Variants in NTN4 observed in about 807,000 individuals in gnomAD.
NTN4 encodes netrin-4.
Under a neutral mutation model 73.6 loss-of-function variants are expected in NTN4, and 32 were observed. That is an observed-to-expected ratio of 0.44 (90% CI 0.33 to 0.58). The LOEUF (loss-of-function observed/expected upper bound fraction) is 0.58. Among genes scored for constraint, NTN4 ranks in the 20% least tolerant of loss-of-function variants. The probability of loss-of-function intolerance (pLI) is 0.04; values close to 1 mark genes in which losing one functional copy is unlikely to be tolerated. For synonymous variants in NTN4, 258 were observed against 287.5 expected (o/e 0.90, Z 1.04); for missense variants, 654 against 798.3 (o/e 0.82, Z 2.18).
intron 5 of NTN4, among the ~76,000 whole-genome samples, chr12:95,691,111 C>T (rs1218281191): frequency 6.6e-6 from 1 of 152,252 alleles, no homozygotes; most frequent in Admixed American, 6.5e-5. Flanking sequence ...TCAAGACTCA[C>T]ACCGAGGTCT....
At chr12:95,745,471 T>C (rs1160348045) in intron 2 of NTN4, among the ~76,000 whole-genome samples, 1 of 152,236 alleles carries the variant, frequency 6.6e-6, no homozygotes, top group Non-Finnish European at 1.5e-5. Context: ...ATCTCAGGCA[T>C]CAGAATCTTC....
At chr12:95,755,829 CA>C (rs1409310723) in intron 2 of NTN4, among the ~76,000 whole-genome samples, 2 of 152,162 alleles carry the variant, frequency 1.3e-5, no homozygotes, top group Non-Finnish European at 2.9e-5. Context: ...AGGGAAATGA[CA>C]GAACTGTAAC....
At chr12:95,674,993 T>G (rs1565879924) in intron 7 of NTN4, among the ~76,000 whole-genome samples, 2 of 152,244 alleles carry the variant, frequency 1.3e-5, no homozygotes, top group Non-Finnish European at 2.9e-5. Flanking sequence ...ATTACAGATT[T>G]GGTTTAGCAA....
chr12:95,695,228 A>T (rs1330949799), intron 5 of NTN4, among the ~76,000 whole-genome samples: 3 of 152,136 alleles, frequency 2.0e-5, no homozygotes, highest in Non-Finnish European at 2.9e-5. Flanking sequence ...GTTTTTGTAC[A>T]TCCTACCCAA....
intron 2 of NTN4, among the ~76,000 whole-genome samples, chr12:95,749,330 T>A (rs2078886517): frequency 6.6e-6 from 1 of 152,204 alleles, no homozygotes; most frequent in South Asian, 2.1e-4. Context: ...GGGAGATCAA[T>A]CCGCTGTACT....
intron 3 of NTN4, among the ~76,000 whole-genome samples, chr12:95,714,594 T>A (rs527773245): frequency 1.2e-4 from 18 of 151,908 alleles, no homozygotes; most frequent in African/African-American, 4.3e-4. Flanking sequence ...TAGAAGAAAA[T>A]AACAGATAAA....
chr12:95,696,584 A>T (rs1349007228), intron 5 of NTN4, among the ~76,000 whole-genome samples: 9 of 152,136 alleles, frequency 5.9e-5, no homozygotes, highest in Non-Finnish European at 1.0e-4. Context: ...CACCTTTGTT[A>T]CATTAATAAA....
intron 5 of NTN4, among the ~76,000 whole-genome samples, chr12:95,709,420 T>G (rs772633175): frequency 6.6e-6 from 1 of 152,262 alleles, no homozygotes; most frequent in Non-Finnish European, 1.5e-5. Flanking sequence ...ACCCTTTACA[T>G]TCACATAATT....
rs2078242533 is a variant in NTN4, at chr12:95,672,685, C to A, written c.1511-2539G>T. The A allele has an allele frequency of 4.1e-6, 6 of 1,451,296 alleles. No homozygotes were observed. In the South Asian group the frequency reaches 5.7e-5, roughly 14 times the overall value. 89.9% of individuals were successfully genotyped at this position (1,451,296 alleles called of 1,614,324 possible). On this transcript the variant is annotated intron_variant, in intron 7 of 9. Transcript: ENST00000343702. ...ATGATGTCCCACCACCCTGCTGGAG[C>A]CTGACCATCCTTTCTACAGCAACAT...
chr12:95,660,350 G>A (rs567854709), intron 9 of NTN4, among the ~76,000 whole-genome samples: 33 of 152,090 alleles, frequency 2.2e-4, no homozygotes, highest in African/African-American at 6.5e-4. Flanking sequence ...ACAAGCATTT[G>A]GGAAAACATA....
At chr12:95,672,969 G>C (rs1315178325) in intron 7 of NTN4, 19 of 1,143,166 alleles carry the variant, frequency 1.7e-5, no homozygotes, top group Non-Finnish European at 2.5e-5. Context: ...AATTGGACAA[G>C]AGCTCGAAGC....
intron 7 of NTN4, among the ~76,000 whole-genome samples, chr12:95,679,353 G>C (rs1592659806): frequency 6.6e-6 from 1 of 152,104 alleles, no homozygotes; most frequent in East Asian, 1.9e-4. Context: ...TTCATGTATA[G>C]AAACTTGATA....
chr12:95,720,510 CA>C (rs2078639720), intron 3 of NTN4, among the ~76,000 whole-genome samples: 1 of 152,080 alleles, frequency 6.6e-6, no homozygotes, highest in Admixed American at 6.6e-5. Flanking sequence ...AACTGACATA[CA>C]ATGGGTTTCC....
chr12:95,787,567 C>G, intron 1 of NTN4, 99 bp from the exon 2 acceptor site: 1 of 1,179,768 alleles, frequency 8.5e-7, no homozygotes, highest in Non-Finnish European at 1.2e-6. Flanking sequence ...TCCCCAAAAG[C>G]GCTTGAGACT....
chr12:95,691,860 C>T (rs1165526115), intron 5 of NTN4, among the ~76,000 whole-genome samples: 2 of 152,040 alleles, frequency 1.3e-5, no homozygotes, highest in Admixed American at 6.6e-5. Context: ...AGCTGTATGG[C>T]CTGTCTAGGT....
intron 7 of NTN4, chr12:95,673,011 A>T: frequency 7.4e-7 from 1 of 1,359,782 alleles, no homozygotes; most frequent in Non-Finnish European, 1.0e-6. Flanking sequence ...TGGGGGATGA[A>T]GGGACCCTGT....
Position 95,790,083 on chromosome 12 carries a change from GTA to G in NTN4, c.55+170_55+171del. 1 of 520,024 alleles carries G rather than the reference GTA, an allele frequency of 1.9e-6. No individual in the cohort carries two copies. The highest frequency in any genetic ancestry group is 3.4e-6 in the Non-Finnish European group (1 of 292,488). The allele number at this position is 520,024 out of a possible 1,614,324, so 32.2% of individuals were successfully genotyped here. A position where few individuals can be genotyped will look rare whatever the true frequency, so the allele number is the denominator to read the frequency against. ...TCCCAGTTGTAAAAATAAATCAATA[GTA>G]TTTGAAACTGCGGAGCCCCGGGGAA... On this transcript the variant is annotated intron_variant, in intron 1 of 9. Coordinates refer to ENST00000343702, the MANE Select transcript of NTN4 (RefSeq NM_021229.4). The surrounding 1 kb of genome is among the most constrained non-coding windows in gnomAD (Gnocchi z 6.5).
chr12:95,717,795 C>T (rs903538413), intron 3 of NTN4, among the ~76,000 whole-genome samples: 1 of 151,948 alleles, frequency 6.6e-6, no homozygotes, highest in African/African-American at 2.4e-5. Context: ...TGAAGAAAAG[C>T]GGTGTCTAGT....
intron 2 of NTN4, among the ~76,000 whole-genome samples, chr12:95,785,181 G>T (rs939531531): frequency 1.3e-5 from 2 of 152,120 alleles, no homozygotes; most frequent in African/African-American, 4.8e-5. Flanking sequence ...TGTGATATTT[G>T]CTAAATGAGC....
Sources: gnomAD v4.1 joint callset for allele counts (sites outside exome capture counted in the v4.1 genomes callset) on GRCh38, gnomAD v4.1.1 for gene constraint, Gnocchi (gnomAD v3.1) non-coding constraint, MANE v1.5 for transcripts, NCBI Gene and HGNC (gene_info 2026-07-23, HGNC 2026-07-21) for gene names.